DGKG: variants seen among roughly 807,000 people sequenced by gnomAD.
The protein encoded by DGKG is diacylglycerol kinase gamma, also known as DAG kinase gamma.
Under a neutral mutation model 105.3 loss-of-function variants are expected in DGKG, and 78 were observed. The observed-to-expected ratio is 0.74, with a 90% CI of 0.62 to 0.89. DGKG has a LOEUF of 0.89. Among genes scored for constraint, DGKG ranks in the 40% least tolerant of loss-of-function variants. The probability of loss-of-function intolerance (pLI) is 0.00; values close to 1 mark genes in which losing one functional copy is unlikely to be tolerated. For missense variants in DGKG, 958 were observed against 1,020.1 expected, an observed-to-expected ratio of 0.94 and a Z score of 0.83; for synonymous variants, 346 against 367.1, an observed-to-expected ratio of 0.94 and a Z score of 0.66.
Position 186,211,780 on chromosome 3 carries a change from C to A in DGKG, c.1917+15G>T, listed in dbSNP as rs1347503004. On this transcript the variant is annotated intron_variant, in intron 21 of 24. Coordinates refer to ENST00000265022, the MANE Select transcript of DGKG (RefSeq NM_001346.3). ...ACCAAGATCCAGGAAGCCTTCTCCC[C>A]ACTTGGGAACTTACCTCCAACTCAA... The A allele has an allele frequency of 3.1e-6, 5 of 1,607,080 alleles. No individual in the cohort carries two copies. Among genetic ancestry groups the A allele is most frequent in the Non-Finnish European group, 2.6e-6 (3 of 1,173,532 alleles).
Position 186,298,124 on chromosome 3 carries a change from T to C in DGKG, c.250A>G (p.Arg84Gly). The stretch of plus-strand genomic sequence containing the variant: ...GTCGGGTGGTCAGAGGTCTCGTGTC[T>C]GGGCTTCTGGCTGAAGGCCAGGAAG... ...HLFLAFSQKP[R>G]HETSDHPTEG... The change falls in exon 4 of 25, where the codon AGA becomes GGA. Residue 84 changes from arginine (R) to glycine (G), a missense_variant. By Grantham distance (125) the Arg-to-Gly change is moderately radical (BLOSUM62 -2). Coordinates refer to ENST00000265022, the MANE Select transcript of DGKG (RefSeq NM_001346.3). 6.2e-7 allele frequency: 1 copy of C among 1,614,132 alleles called. No homozygotes were observed. Among genetic ancestry groups the C allele is most frequent in the Admixed American group, 1.7e-5 (1 of 59,998 alleles).
chr3:186,353,656 G>GTCTATATCTATATCTATA (rs200198956), intron 1 of DGKG, among the ~76,000 whole-genome samples: 6,675 of 116,064 alleles, frequency 0.058, 274 homozygotes, highest in Non-Finnish European at 0.076. Context: ...CTATGTCTAT[G>GTCTATATCTATATCTATA]TCTATATCTA....
intron 1 of DGKG, among the ~76,000 whole-genome samples, chr3:186,339,023 G>A (rs114197929): frequency 6.6e-6 from 1 of 152,046 alleles, no homozygotes; most frequent in Admixed American, 6.6e-5. Flanking sequence ...TTAAATAAAT[G>A]AATCACCTTC....
Position 186,211,878 on chromosome 3 carries a change from T to G in DGKG, c.1834A>C (p.Asn612His), listed in dbSNP as rs1560097586. The change falls in exon 21 of 25, where the codon AAC becomes CAC. Residue 612 changes from asparagine (N) to histidine (H), a missense_variant. Asn to His is a moderately conservative substitution (Grantham distance 68). Transcript: ENST00000265022. ...HPEKFNSRMK[N>H]KLWYFEFGTS... ...CCAAATTCAAAGTACCACAGCTTGT[T>G]CTTCATCCTGGACCACAAAGCAGAG... 6.2e-7 allele frequency: 1 copy of G among 1,613,844 alleles called. No individual in the cohort carries two copies. The highest frequency in any genetic ancestry group is 8.5e-7 in the Non-Finnish European group (1 of 1,179,694).
rs542040492 is a variant in DGKG, at chr3:186,148,183, A to G, written c.*1907T>C. ...TGCATGGCCTTGCCCTTGGGAAAGG[A>G]TGGTAATGCTGGCACTTGCTGAATG... On this transcript the variant is annotated 3_prime_UTR_variant, in exon 25 of 25. Transcript: ENST00000265022. 9.1e-5 allele frequency: 90 copies of G among 985,458 alleles called. 2 individuals are homozygous for G. In the African/African-American group the frequency reaches 1.6e-3, roughly 17 times the overall value. The allele number at this position is 985,458 out of a possible 1,614,324, so 61.0% of individuals were successfully genotyped here. A position where few individuals can be genotyped will look rare whatever the true frequency, so the allele number is the denominator to read the frequency against.
chr3:186,352,063 G>A (rs1461607813), intron 1 of DGKG, among the ~76,000 whole-genome samples: 1 of 152,150 alleles, frequency 6.6e-6, no homozygotes, highest in African/African-American at 2.4e-5. Flanking sequence ...CCCACAACTG[G>A]TGCTTTTTCA....
intron 21 of DGKG, among the ~76,000 whole-genome samples, chr3:186,193,413 T>C (rs1179113500): frequency 2.0e-5 from 3 of 152,254 alleles, no homozygotes; most frequent in African/African-American, 7.2e-5. Context: ...ACTGTGTAAC[T>C]GTCTGCGTTA....
intron 22 of DGKG, among the ~76,000 whole-genome samples, chr3:186,177,104 A>G (rs1391952988): frequency 6.6e-6 from 1 of 152,224 alleles, no homozygotes; most frequent in African/African-American, 2.4e-5. Flanking sequence ...CCTTGGAGCC[A>G]TAAGCCCGCA....
intron 21 of DGKG, among the ~76,000 whole-genome samples, chr3:186,200,687 C>T (rs1165310133): frequency 6.6e-6 from 1 of 152,168 alleles, no homozygotes; most frequent in Non-Finnish European, 1.5e-5. Flanking sequence ...CTTGTCCGCC[C>T]TGGTGTGTGC....
intron 3 of DGKG, among the ~76,000 whole-genome samples, chr3:186,303,417 C>T (rs750991772): frequency 1.1e-4 from 17 of 152,150 alleles, no homozygotes; most frequent in Non-Finnish European, 2.1e-4. Context: ...ATTAGCTGGG[C>T]AATTTGCTCC....
At chr3:186,328,271 T>C (rs1725441407) in intron 1 of DGKG, among the ~76,000 whole-genome samples, 1 of 152,236 alleles carries the variant, frequency 6.6e-6, no homozygotes, top group African/African-American at 2.4e-5. Flanking sequence ...TATTTCTCTA[T>C]TGCGGTGGTT....
At chr3:186,323,936 CAA>C (rs35989455) in intron 1 of DGKG, among the ~76,000 whole-genome samples, 1,186 of 71,988 alleles carry the variant, frequency 0.016, 10 homozygotes, top group African/African-American at 0.039. Context: ...GACTCCGTCT[CAA>C]AAAAAAAAAA....
chr3:186,312,403 C>A (rs1298640188), intron 2 of DGKG, among the ~76,000 whole-genome samples: 1 of 152,124 alleles, frequency 6.6e-6, no homozygotes, highest in Non-Finnish European at 1.5e-5. Context: ...ATTCTACATT[C>A]TGAATAAGAT....
chr3:186,167,382 C>G (rs1716598120), intron 22 of DGKG, among the ~76,000 whole-genome samples: 1 of 152,082 alleles, frequency 6.6e-6, no homozygotes, highest in South Asian at 2.1e-4. Flanking sequence ...ACATTGTTTC[C>G]CAAAGTTATA....
rs114798273 is a variant in DGKG, at chr3:186,358,250, G to A, written c.-249+3696C>T. Among the ~76,000 whole-genome samples the A allele has an allele frequency of 5.3e-3, 807 of 152,400 alleles. 11 individuals carry two copies. The highest frequency in any genetic ancestry group is 0.018 in the African/African-American group (764 of 41,598). ...GGGCTCATAGTTCAGTGGGAGATATGCAAATAGTGACTTCGCCATAGCGAG... is the reference window on the plus strand; with the variant it reads ...GGGCTCATAGTTCAGTGGGAGATATACAAATAGTGACTTCGCCATAGCGAG... On this transcript the variant is annotated intron_variant, in intron 1 of 24. Transcript: ENST00000265022.
At chr3:186,294,810 A>G (rs1425561660) in intron 5 of DGKG, among the ~76,000 whole-genome samples, 1 of 152,280 alleles carries the variant, frequency 6.6e-6, no homozygotes, top group East Asian at 1.9e-4. Flanking sequence ...CCAAGGGGCT[A>G]TGGACTAGCA....
At chr3:186,303,433 C>T (rs1262723615) in intron 3 of DGKG, among the ~76,000 whole-genome samples, 1 of 152,166 alleles carries the variant, frequency 6.6e-6, no homozygotes, top group Non-Finnish European at 1.5e-5. Context: ...GCTCCTGCTG[C>T]AACACACTTA....
At chr3:186,315,017 G>A (rs954645329) in intron 2 of DGKG, among the ~76,000 whole-genome samples, 4 of 152,016 alleles carry the variant, frequency 2.6e-5, no homozygotes, top group Non-Finnish European at 4.4e-5. Context: ...GTCAGTAGGC[G>A]GCATCCCCAC....
intron 3 of DGKG, among the ~76,000 whole-genome samples, chr3:186,303,580 T>C (rs550835117): frequency 6.6e-6 from 1 of 152,302 alleles, no homozygotes; most frequent in South Asian, 2.1e-4. Flanking sequence ...AAAACAAATT[T>C]TGACAACATA....
Sources: allele counts gnomAD v4.1 joint callset (sites outside exome capture counted in the v4.1 genomes callset), GRCh38; gene constraint gnomAD v4.1.1; transcripts MANE v1.5; gene names NCBI Gene and HGNC (gene_info 2026-07-23, HGNC 2026-07-21).